The following NOVA1 variants were observed in gnomAD, a reference collection of about 807,000 sequenced individuals.
NOVA1 encodes NOVA alternative splicing regulator 1, also known as RNA-binding protein Nova-1.
A neutral mutation model predicts 38.0 loss-of-function variants in NOVA1; 7 were observed. The observed-to-expected ratio is 0.18, with a 90% confidence interval of 0.10 to 0.35. The LOEUF is 0.35. NOVA1 is among the 10% of genes least tolerant of loss of function. The pLI, the probability that NOVA1 is intolerant of heterozygous loss-of-function variation, is 1.00. For missense variants in NOVA1, 460 were observed against 616.0 expected (o/e 0.75, Z 2.68); for synonymous variants, 270 against 232.5 (o/e 1.16, Z -1.47).
intron 2 of NOVA1, among the ~76,000 whole-genome samples, chr14:26,572,790 AT>A (rs1386447944): frequency 1.4e-5 from 2 of 147,426 alleles, no homozygotes; most frequent in African/African-American, 4.9e-5. Context: ...GTTTAAAAAA[AT>A]AATACAGATA....
chr14:26,588,806 AATCTCTTGACCTCTAG>A lies in NOVA1; in HGVS notation c.280+6588_280+6603del, dbSNP rs560667099. Among the ~76,000 whole-genome samples, 531 of 151,618 alleles carry A rather than the reference AATCTCTTGACCTCTAG, an allele frequency of 3.5e-3. 4 individuals carry two copies. The highest frequency in any genetic ancestry group is 0.012 in the African/African-American group (517 of 41,494). ...ATTTATGTTTTAAAGTACTGGAATG[AATCTCTTGACCTCTAG>A]ATAGCATAGCTTTAATCTTATTTCT... On this transcript the variant is annotated intron_variant, in intron 2 of 4. Coordinates refer to ENST00000539517, the MANE Select transcript of NOVA1 (RefSeq NM_002515.3).
intron 2 of NOVA1, among the ~76,000 whole-genome samples, chr14:26,524,975 G>A (rs1889194481): frequency 6.6e-6 from 1 of 152,138 alleles, no homozygotes; most frequent in Non-Finnish European, 1.5e-5. Flanking sequence ...CTAGTTCCAT[G>A]TGTATTCAAA....
At position 26,447,654 on chromosome 14, in the gene NOVA1, A is replaced by G; in HGVS notation, c.*305T>C. The G allele has an allele frequency of 2.6e-6, 1 of 385,292 alleles. No individual in the cohort carries two copies. The highest frequency in any genetic ancestry group is 3.1e-5 in the South Asian group (1 of 32,066). 23.9% of individuals were successfully genotyped at this position (385,292 alleles called of 1,614,324 possible). ...GAAAACTATACGCATATCCCTGTCT[A>G]CATTCAATCATTAAACTACAATAAT... On this transcript the variant is annotated 3_prime_UTR_variant, in exon 5 of 5. Coordinates refer to ENST00000539517, the MANE Select transcript of NOVA1 (RefSeq NM_002515.3).
chr14:26,460,532 A>G (rs1329527544), intron 4 of NOVA1, among the ~76,000 whole-genome samples: 1 of 152,072 alleles, frequency 6.6e-6, no homozygotes, highest in Admixed American at 6.6e-5. Context: ...ATATTTTTAA[A>G]GAGTAATTGA....
At chr14:26,563,629 T>C (rs1449537233) in intron 2 of NOVA1, among the ~76,000 whole-genome samples, 1 of 152,016 alleles carries the variant, frequency 6.6e-6, no homozygotes, top group African/African-American at 2.4e-5. Flanking sequence ...ATTATATACA[T>C]AAGCTTATAT....
chr14:26,488,860 A>T (rs912933176), intron 2 of NOVA1, among the ~76,000 whole-genome samples: 14 of 152,134 alleles, frequency 9.2e-5, no homozygotes, highest in Non-Finnish European at 2.1e-4. Flanking sequence ...GGCACTTGAA[A>T]TTCTTCTATC....
intron 2 of NOVA1, among the ~76,000 whole-genome samples, chr14:26,554,832 C>G (rs575304247): frequency 2.0e-5 from 3 of 152,254 alleles, no homozygotes; most frequent in South Asian, 2.1e-4. Flanking sequence ...TTCTTAGGAA[C>G]AACCAGCAAT....
intron 4 of NOVA1, among the ~76,000 whole-genome samples, chr14:26,468,446 G>T (rs1348856155): frequency 6.6e-6 from 1 of 152,208 alleles, no homozygotes; most frequent in African/African-American, 2.4e-5. Context: ...CACAAGCAAA[G>T]GGCTCAGCCT....
intron 4 of NOVA1, among the ~76,000 whole-genome samples, chr14:26,449,571 C>G (rs178230): frequency 0.73 from 110,832 of 151,930 alleles, 41,589 homozygotes; most frequent in South Asian, 0.83. Context: ...CATTTAAACT[C>G]ACATATGAAA....
rs1882216011 is a variant in NOVA1, at chr14:26,447,931, A to C, written c.*28T>G. 2 of 1,595,442 alleles carry C rather than the reference A, an allele frequency of 1.3e-6. No individual in the cohort carries two copies. The highest frequency in any genetic ancestry group is 2.7e-5 in the African/African-American group (2 of 74,552). On this transcript the variant is annotated 3_prime_UTR_variant, in exon 5 of 5. Coordinates refer to ENST00000539517, the MANE Select transcript of NOVA1 (RefSeq NM_002515.3). Reference sequence around the variant, plus strand: ...TTGAAAATGGGGTAAAGGAGGGGTTAAAACAATCTGATGTGTAACTGGGGC... The same window carrying C: ...TTGAAAATGGGGTAAAGGAGGGGTTCAAACAATCTGATGTGTAACTGGGGC...
chr14:26,591,096 C>T (rs1853075857), intron 2 of NOVA1, among the ~76,000 whole-genome samples: 1 of 151,362 alleles, frequency 6.6e-6, no homozygotes, highest in Non-Finnish European at 1.5e-5. Flanking sequence ...TTGCGCTATG[C>T]CAGTAATGTT....
intron 2 of NOVA1, among the ~76,000 whole-genome samples, chr14:26,546,270 T>A (rs1890782907): frequency 6.6e-6 from 1 of 152,080 alleles, no homozygotes; most frequent in African/African-American, 2.4e-5. Context: ...CCACTTAGGA[T>A]AAAAAGAATT....
intron 4 of NOVA1, among the ~76,000 whole-genome samples, chr14:26,462,106 C>T (rs1438286776): frequency 1.3e-5 from 2 of 151,682 alleles, no homozygotes; most frequent in Non-Finnish European, 2.9e-5. Flanking sequence ...GTGCCCTAAG[C>T]GTATAGTGTT....
rs570219387 is a variant in NOVA1 at position 26,559,914 on chromosome 14, T to A, written c.280+35496A>T. 2.6e-5 allele frequency among the ~76,000 whole-genome samples: 4 copies of A among 152,198 alleles called. No individual in the cohort carries two copies. In the South Asian group the frequency reaches 8.3e-4, roughly 32 times the overall value. ...AGATAAATATTTAAGGAGGTGAATA[T>A]CCTAATTACACTGATATGATCTTTA... On this transcript the variant is annotated intron_variant, in intron 2 of 4. Transcript: ENST00000539517.
chr14:26,596,624 A>G, intron 1 of NOVA1: 5 of 1,289,178 alleles, frequency 3.9e-6, no homozygotes, highest in Non-Finnish European at 5.1e-6. Context: ...GTGCAAATGA[A>G]GAAGCGATAT....
At chr14:26,595,168 GA>G (rs2138828242) in intron 2 of NOVA1, among the ~76,000 whole-genome samples, 1 of 152,176 alleles carries the variant, frequency 6.6e-6, no homozygotes, top group South Asian at 2.1e-4. Context: ...GAATTATTCA[GA>G]AATACCCGAA....
intron 2 of NOVA1, among the ~76,000 whole-genome samples, chr14:26,533,296 G>C (rs1049954770): frequency 2.6e-4 from 39 of 152,048 alleles, no homozygotes; most frequent in African/African-American, 9.4e-4. Context: ...CCTCGCTTAG[G>C]AGCCACTTAT....
At chr14:26,526,386 G>A (rs1389108897) in intron 2 of NOVA1, among the ~76,000 whole-genome samples, 1 of 151,960 alleles carries the variant, frequency 6.6e-6, no homozygotes, top group Admixed American at 6.6e-5. Flanking sequence ...GATGTTGCTT[G>A]GAAACCTGCA....
At chr14:26,475,403 A>C (rs1594361285) in intron 3 of NOVA1, among the ~76,000 whole-genome samples, 1 of 152,198 alleles carries the variant, frequency 6.6e-6, no homozygotes, top group Non-Finnish European at 1.5e-5. Context: ...TAGTGGTTTC[A>C]TGTTAAATAT....
Sources: allele counts gnomAD v4.1 joint callset (sites outside exome capture counted in the v4.1 genomes callset), GRCh38; gene constraint gnomAD v4.1.1; transcripts MANE v1.5; gene names NCBI Gene and HGNC (gene_info 2026-07-23, HGNC 2026-07-21).